The following CEMIP variants were observed in gnomAD, a reference collection of about 807,000 sequenced individuals.
CEMIP encodes cell migration inducing hyaluronidase 1.
CEMIP carries 105 observed loss-of-function variants against 156.9 expected under a neutral mutation model. The ratio of observed to expected loss-of-function variants is 0.67; its 90% CI spans 0.57 to 0.79. The LOEUF (loss-of-function observed/expected upper bound fraction) is 0.79, where lower values mean the gene tolerates loss of function less well. Among genes scored for constraint, CEMIP ranks in the 30% least tolerant of loss-of-function variants. The probability of loss-of-function intolerance (pLI) is 0.00; values close to 1 mark genes in which losing one functional copy is unlikely to be tolerated. For missense variants in CEMIP, 1,457 were observed against 1,769.4 expected, an observed-to-expected ratio of 0.82 and a Z score of 3.17; for synonymous variants, 676 against 668.4, an observed-to-expected ratio of 1.01 and a Z score of -0.17.
In CEMIP at chr15:80,879,866, A is replaced by G; in HGVS notation, c.380+12A>G. ...ATTTTGTATGGAAGGTGCGTAGACC[A>G]CTCCTACAGATCAAATGCTACCCAT... On this transcript the variant is annotated intron_variant, in intron 5 of 29. Coordinates refer to ENST00000394685, the MANE Select transcript of CEMIP (RefSeq NM_001293298.2). The G allele has an allele frequency of 1.2e-6, 2 of 1,613,884 alleles. No homozygotes were observed. The highest frequency in any genetic ancestry group is 1.7e-6 in the Non-Finnish European group (2 of 1,179,940).
intron 10 of CEMIP, among the ~76,000 whole-genome samples, 182 bp downstream of exon 10, chr15:80,889,774 A>T (rs1343091134): frequency 6.6e-6 from 1 of 152,202 alleles, no homozygotes; most frequent in Non-Finnish European, 1.5e-5. Flanking sequence ...TCTGCCCAAA[A>T]GCCAGGGCTC....
chr15:80,854,271 G>A (rs1349199327), intron 1 of CEMIP, among the ~76,000 whole-genome samples: 1 of 152,276 alleles, frequency 6.6e-6, no homozygotes, highest in Non-Finnish European at 1.5e-5. Flanking sequence ...CTGGGCCACA[G>A]CTCAGCTCTG....
chr15:80,936,491 C>T (rs1288086333), intron 23 of CEMIP, among the ~76,000 whole-genome samples, 183 bp from the exon 24 acceptor site: 2 of 152,172 alleles, frequency 1.3e-5, no homozygotes, highest in African/African-American at 4.8e-5. Flanking sequence ...GCCTGGGCTG[C>T]GTCCATCAGC....
At chr15:80,929,251 G>A in intron 21 of CEMIP, 77 bp downstream of exon 21, 1 of 1,539,158 alleles carries the variant, frequency 6.5e-7, no homozygotes, top group Non-Finnish European at 9.0e-7. Flanking sequence ...AAAAGTTAAT[G>A]GGTAGTTTCT....
intron 14 of CEMIP, among the ~76,000 whole-genome samples, chr15:80,912,286 G>A (rs963871799): frequency 1.3e-5 from 2 of 152,240 alleles, no homozygotes; most frequent in African/African-American, 2.4e-5. Context: ...TACCCACAGT[G>A]GAGGTGGACT....
chr15:80,840,341 G>A (rs930467279), intron 1 of CEMIP, among the ~76,000 whole-genome samples: 2 of 152,176 alleles, frequency 1.3e-5, no homozygotes, highest in African/African-American at 4.8e-5. Flanking sequence ...TCCACACCCA[G>A]TTGGCTGGAG....
At chr15:80,856,858 G>T (rs1376921858) in intron 1 of CEMIP, among the ~76,000 whole-genome samples, 1 of 152,122 alleles carries the variant, frequency 6.6e-6, no homozygotes, top group Non-Finnish European at 1.5e-5. Context: ...TTGTTCTATA[G>T]CCCAGGGCTG....
intron 9 of CEMIP, 67 bp downstream of exon 9, chr15:80,888,863 G>A (rs1004877265): frequency 6.9e-6 from 9 of 1,308,544 alleles, no homozygotes; most frequent in Middle Eastern, 1.8e-4. Flanking sequence ...CACTGTCTTT[G>A]CAGAACTAGG....
At position 80,827,154 on chromosome 15, in the gene CEMIP, G is replaced by C. The variant is rs565290950; in HGVS notation, c.-175-46384G>C. The stretch of plus-strand genomic sequence containing the variant: ...CAGGTCTCACCTGGGGATAGGTGAC[G>C]TGTCCCCAGTGATGATTTTGTTCCA... On this transcript the variant is annotated intron_variant, in intron 1 of 29. Transcript: ENST00000394685. Among the ~76,000 whole-genome samples the C allele has an allele frequency of 7.2e-5, 11 of 152,248 alleles. 1 individual carries two copies. The East Asian group carries it at 2.1e-3, about 29-fold the overall frequency.
At chr15:80,805,332 G>A (rs989558910) in intron 1 of CEMIP, among the ~76,000 whole-genome samples, 6 of 152,244 alleles carry the variant, frequency 3.9e-5, no homozygotes, top group South Asian at 2.1e-4. Flanking sequence ...CTTCCTGCCC[G>A]CCCGGGACAA....
At chr15:80,846,162 A>G (rs1386208653) in intron 1 of CEMIP, among the ~76,000 whole-genome samples, 1 of 152,186 alleles carries the variant, frequency 6.6e-6, no homozygotes, top group East Asian at 1.9e-4. Flanking sequence ...AATACTTTCT[A>G]TCTAACCCTT....
In CEMIP at chr15:80,831,088, C is replaced by T. The variant is rs1383574551; in HGVS notation, c.-175-42450C>T. Among the ~76,000 whole-genome samples the T allele has an allele frequency of 2.0e-5, 3 of 152,152 alleles. 1 individual carries two copies. In the South Asian group the frequency reaches 6.2e-4, roughly 32 times the overall value. On this transcript the variant is annotated intron_variant, in intron 1 of 29. Transcript: ENST00000394685. ...GTTAGTTTTGAGAACCTTGGTCTAG[C>T]CTTCCAACCTACCTTCCAACCTGGA...
intron 1 of CEMIP, among the ~76,000 whole-genome samples, chr15:80,786,656 A>G (rs1474289703): frequency 6.6e-6 from 1 of 151,912 alleles, no homozygotes. Flanking sequence ...GGAAATCTGG[A>G]ATTACCACAT....
intron 25 of CEMIP, 183 bp downstream of exon 25, chr15:80,938,162 T>C (rs1901205349): frequency 3.3e-6 from 2 of 598,398 alleles, no homozygotes; most frequent in African/African-American, 1.9e-5. Flanking sequence ...GCTATTAAGC[T>C]TTAAAAGTAA....
chr15:80,862,898 T>C (rs1898022400), intron 1 of CEMIP, among the ~76,000 whole-genome samples: 1 of 152,220 alleles, frequency 6.6e-6, no homozygotes, highest in African/African-American at 2.4e-5. Flanking sequence ...TGGGCGTCTA[T>C]GGTCTGGGGA....
chr15:80,909,703 C>T (rs1450218101), intron 14 of CEMIP: 2 of 443,850 alleles, frequency 4.5e-6, no homozygotes. Flanking sequence ...ATGGTGACAA[C>T]AATGGGCTTT....
intron 1 of CEMIP, among the ~76,000 whole-genome samples, chr15:80,842,681 G>T (rs144836520): frequency 6.6e-6 from 1 of 152,070 alleles, no homozygotes; most frequent in Non-Finnish European, 1.5e-5. Flanking sequence ...GCAGTGAGCC[G>T]TGATTGTGCC....
chr15:80,912,594 C>T (rs995691558), intron 14 of CEMIP, among the ~76,000 whole-genome samples: 2 of 152,158 alleles, frequency 1.3e-5, no homozygotes, highest in African/African-American at 4.8e-5. Flanking sequence ...GAAGTGCAGG[C>T]CTCTAACTCT....
chr15:80,870,451 C>T (rs757627450), intron 1 of CEMIP, among the ~76,000 whole-genome samples: 1 of 152,152 alleles, frequency 6.6e-6, no homozygotes, highest in Admixed American at 6.5e-5. Flanking sequence ...TTGAGGATGC[C>T]GTGGGAGTGC....
Sources: gnomAD v4.1 joint callset for allele counts (sites outside exome capture counted in the v4.1 genomes callset) on GRCh38, gnomAD v4.1.1 for gene constraint, MANE v1.5 for transcripts, NCBI Gene and HGNC (gene_info 2026-07-23, HGNC 2026-07-21) for gene names.